The following EIF2B4 variants were observed in gnomAD, a reference collection of about 807,000 sequenced individuals.
EIF2B4 encodes the protein translation initiation factor eIF2B subunit delta.
In EIF2B4, 34 loss-of-function variants were observed where a neutral mutation model predicts 66.7. That is an observed-to-expected ratio of 0.51 (90% confidence interval 0.39 to 0.68). The LOEUF (loss-of-function observed/expected upper bound fraction) is 0.68. Ranked by LOEUF, EIF2B4 falls within the 30% of genes least tolerant of loss-of-function variation. The probability of loss-of-function intolerance (pLI) is 0.00; values close to 1 mark genes in which losing one functional copy is unlikely to be tolerated. For missense variants in EIF2B4, 618 were observed against 657.9 expected, an observed-to-expected ratio of 0.94 and a Z score of 0.66; for synonymous variants, 278 against 253.6, an observed-to-expected ratio of 1.10 and a Z score of -0.92.
chr2:27,366,453 CAG>C (rs920705036), intron 11 of EIF2B4: 14 of 414,676 alleles, frequency 3.4e-5, no homozygotes, highest in South Asian at 1.6e-4. Flanking sequence ...GAGGCCGAGA[CAG>C]GGGGAACTGC....
At chr2:27,367,945 G>T in intron 7 of EIF2B4, 80 bp downstream of exon 7, 1 of 1,486,972 alleles carries the variant, frequency 6.7e-7, no homozygotes, top group Non-Finnish European at 9.3e-7. Context: ...GTCCCCCAGA[G>T]ATGACCTTGG....
intron 9 of EIF2B4, 124 bp from the exon 10 acceptor site, chr2:27,367,325 A>G: frequency 6.3e-7 from 1 of 1,577,236 alleles, no homozygotes. Context: ...GGCACAAGTC[A>G]GAATGGCCAA....
chr2:27,370,021 G>A (rs943636479), intron 1 of EIF2B4, 102 bp from the exon 2 acceptor site: 1 of 1,520,672 alleles, frequency 6.6e-7, no homozygotes, highest in African/African-American at 1.4e-5. Context: ...CATGACCACG[G>A]ATCCGCCGGC....
rs998026561 is a variant in EIF2B4 at position 27,365,092 on chromosome 2, T to C, written c.1192-194A>G. On this transcript the variant is annotated intron_variant, in intron 11 of 12. Coordinates refer to ENST00000347454, the MANE Select transcript of EIF2B4 (RefSeq NM_001034116.2). Reference sequence around the variant, plus strand: ...TTTCTTTGAGATGAAGTTCTGCTCTTGTTGCCCAGGCTGGAGTGCAATGGC... The same window carrying C: ...TTTCTTTGAGATGAAGTTCTGCTCTCGTTGCCCAGGCTGGAGTGCAATGGC... 22 of 595,432 alleles carry C rather than the reference T, an allele frequency of 3.7e-5. No homozygotes were observed. In the African/African-American group the frequency reaches 4.1e-4, roughly 11 times the overall value. 36.9% of individuals were successfully genotyped at this position (595,432 alleles called of 1,614,324 possible).
intron 11 of EIF2B4, 59 bp downstream of exon 11, chr2:27,366,700 T>G (rs1463192931): frequency 6.3e-7 from 1 of 1,590,326 alleles, no homozygotes; most frequent in African/African-American, 1.3e-5. Context: ...GGTGAGATTA[T>G]GTCTATACTA....
Position 27,368,453 on chromosome 2 carries a change from C to A in EIF2B4, c.509G>T (p.Arg170Leu). The A allele has an allele frequency of 6.2e-7, 1 of 1,613,880 alleles. No homozygotes were observed. Among genetic ancestry groups the A allele is most frequent in the Non-Finnish European group, 8.5e-7 (1 of 1,179,832 alleles). Residue 170 changes from arginine (R) to leucine (L), a missense_variant, in exon 6 of 13, where the codon CGA becomes CTA. Coordinates refer to ENST00000347454, the MANE Select transcript of EIF2B4 (RefSeq NM_001034116.2). Reference protein sequence around the residue: ...KKPERQQVPTRKDYGSKVSLF... With the variant: ...KKPERQQVPTLKDYGSKVSLF... Reference sequence around the variant, plus strand: ...ACTGACTTTGGATCCATAATCCTTTCGTGTAGGAACCTTGACAAAACAAGG... The same window carrying A: ...ACTGACTTTGGATCCATAATCCTTTAGTGTAGGAACCTTGACAAAACAAGG...
At chr2:27,369,832 T>G (rs1320476248) in intron 2 of EIF2B4, 44 bp downstream of exon 2, 1 of 1,547,742 alleles carries the variant, frequency 6.5e-7, no homozygotes, top group Non-Finnish European at 8.7e-7. Flanking sequence ...CACAGCCTCC[T>G]GCGTAGCGCT....
chr2:27,370,163 C>A, intron 1 of EIF2B4, 121 bp downstream of exon 1: 2 of 1,544,588 alleles, frequency 1.3e-6, no homozygotes, highest in South Asian at 1.2e-5. Context: ...ACTGTGTAGA[C>A]CGGAGCCCAG....
rs371589780 is a variant in EIF2B4 at position 27,369,175 on chromosome 2, C to A, written c.249G>T (p.Gln83His). Residue 83 changes from glutamine to histidine, a missense_variant, in exon 4 of 13, where the codon CAG becomes CAT. Physicochemically the swap from Gln to His is conservative, Grantham distance 24. Coordinates refer to ENST00000347454, the MANE Select transcript of EIF2B4 (RefSeq NM_001034116.2). Reference protein sequence around the residue: ...PTRELPESGIQLGTPREKVPA... With the variant: ...PTRELPESGIHLGTPREKVPA... Reference sequence around the variant, plus strand: ...GAACTTTCTCCCGAGGAGTGCCCAACTGAATGCCCGATTCTGGCAGTTCTC... The same window carrying A: ...GAACTTTCTCCCGAGGAGTGCCCAAATGAATGCCCGATTCTGGCAGTTCTC... 1.2e-5 allele frequency: 20 copies of A among 1,613,064 alleles called. No individual in the cohort carries two copies. Among genetic ancestry groups the A allele is most frequent in the Admixed American group, 3.3e-5 (2 of 59,980 alleles).
rs1681715570 is a variant in EIF2B4 at position 27,364,742 on chromosome 2, C to T, written c.1348G>A (p.Asp450Asn). Reference sequence around the variant, plus strand: ...CCTAGCTCATTAGAGACAAAGGCATCAGTCTGCACACGCTCACAGAACTTG... The same window carrying T: ...CCTAGCTCATTAGAGACAAAGGCATTAGTCTGCACACGCTCACAGAACTTG... ...TYKFCERVQT[D>N]AFVSNELDDP... The change falls in exon 12 of 13, where the codon GAT becomes AAT. Residue 450 changes from aspartate to asparagine, a missense_variant. Around this residue, in one of 4 missense-constraint regions of EIF2B4, gnomAD observed 36 missense variants for 65.5 expected, o/e 0.55. Coordinates refer to ENST00000347454, the MANE Select transcript of EIF2B4 (RefSeq NM_001034116.2). The T allele has an allele frequency of 6.2e-7, 1 of 1,614,088 alleles. No homozygotes were observed.
chr2:27,368,100 G>A lies in EIF2B4; in HGVS notation c.630C>T (p.Leu210=), dbSNP rs775331791. Residue 210 remains leucine, a synonymous_variant, in exon 7 of 13, where the codon CTC becomes CTT. Transcript: ENST00000347454. ...SSVIHPAMVR[L]GLQYSQGLVS... is the part of the protein sequence containing the mutation. ...CCAGGCCCTGGGAGTACTGCAGGCCGAGTCGCACCATGGCTGGGTGGATCA... is the reference window on the plus strand; with the variant it reads ...CCAGGCCCTGGGAGTACTGCAGGCCAAGTCGCACCATGGCTGGGTGGATCA... 26 of 1,600,110 alleles carry A rather than the reference G, an allele frequency of 1.6e-5. No individual in the cohort carries two copies. The highest frequency in any genetic ancestry group is 6.8e-5 in the South Asian group (6 of 88,616).
Position 27,370,285 on chromosome 2 carries a change from C to T in EIF2B4, c.30G>A (p.Glu10=), listed in dbSNP as rs759657701. The part of the protein sequence containing the change: MAAVAVAVR[E]DSGSGMKAEL... ...AGGCAGGCCCGGCTCTTCACTCACCCTCGCGAACAGCCACGGCCACAGCAG... is the reference window on the plus strand; with the variant it reads ...AGGCAGGCCCGGCTCTTCACTCACCTTCGCGAACAGCCACGGCCACAGCAG... The change falls in exon 1 of 13, where the codon GAG becomes GAA. Residue 10 remains glutamate, a splice_region_variant and synonymous_variant. Transcript: ENST00000347454. 107 of 1,548,546 alleles carry T rather than the reference C, an allele frequency of 6.9e-5. No individual in the cohort carries two copies. Among genetic ancestry groups the T allele is most frequent in the Non-Finnish European group, 2.5e-5 (29 of 1,149,484 alleles).
chr2:27,364,374 C>T lies in EIF2B4; in HGVS notation c.*26G>A. 6.2e-7 allele frequency: 1 copy of T among 1,610,878 alleles called. No homozygotes were observed. Among genetic ancestry groups the T allele is most frequent in the Non-Finnish European group, 8.5e-7 (1 of 1,177,890 alleles). The stretch of plus-strand genomic sequence containing the variant: ...GAGTTGCTGAGGGTAGGGAGTATGG[C>T]ATTTATTAACCCTGTGTTTCCCCCG... On this transcript the variant is annotated 3_prime_UTR_variant, in exon 13 of 13. Transcript: ENST00000347454.
At chr2:27,367,916 G>A (rs1034013146) in intron 7 of EIF2B4, 94 bp from the exon 8 acceptor site, 18 of 1,493,020 alleles carry the variant, frequency 1.2e-5, no homozygotes, top group Non-Finnish European at 1.7e-5. Flanking sequence ...AATGTTCTGA[G>A]GGTAGGAGTA....
intron 2 of EIF2B4, 105 bp downstream of exon 2, chr2:27,369,771 T>C: frequency 1.4e-6 from 2 of 1,474,556 alleles, no homozygotes; most frequent in East Asian, 2.5e-5. Context: ...CTCCTGGCTT[T>C]ACTGAGAAAT....
rs371924054 is a variant in EIF2B4 at position 27,370,305 on chromosome 2, C to T, written c.10G>A (p.Val4Met). The T allele has an allele frequency of 4.5e-6, 7 of 1,545,048 alleles. No homozygotes were observed. The Admixed American group carries it at 1.4e-4, about 30-fold the overall frequency. The change falls in exon 1 of 13, where the codon GTG (valine) becomes ATG (methionine). Residue 4 changes from valine to methionine, a missense_variant. Physicochemically the swap from Val to Met is conservative, Grantham distance 21. Transcript: ENST00000347454. MAA[V>M]AVAVREDSGS... ...TCACCCTCGCGAACAGCCACGGCCA[C>T]AGCAGCCATCGCCCTCAGTCCTAGG...
rs373696834 is a variant in EIF2B4 at position 27,368,352 on chromosome 2, A to G, written c.590+20T>C. Reference sequence around the variant, plus strand: ...AAACTCCTCAGACTCAAAAGTTATGACAATTTCATAGGATCCTACCTCATA... The same window carrying G: ...AAACTCCTCAGACTCAAAAGTTATGGCAATTTCATAGGATCCTACCTCATA... On this transcript the variant is annotated intron_variant, in intron 6 of 12. Coordinates refer to ENST00000347454, the MANE Select transcript of EIF2B4 (RefSeq NM_001034116.2). 2 of 1,599,664 alleles carry G rather than the reference A, an allele frequency of 1.3e-6. No individual in the cohort carries two copies. The highest frequency in any genetic ancestry group is 2.7e-5 in the African/African-American group (2 of 74,596).
intron 3 of EIF2B4, 70 bp from the exon 4 acceptor site, chr2:27,369,282 T>C: frequency 6.2e-7 from 1 of 1,606,772 alleles, no homozygotes; most frequent in South Asian, 1.1e-5. Context: ...TAAAACTAGC[T>C]TCTCTCCTTG....
At position 27,366,807 on chromosome 2, in the gene EIF2B4, G is replaced by T. The variant is rs749762984; in HGVS notation, c.1143C>A (p.Val381=). 1 of 1,614,110 alleles carries T rather than the reference G, an allele frequency of 6.2e-7. No individual in the cohort carries two copies. Among genetic ancestry groups the T allele is most frequent in the African/African-American group, 1.3e-5 (1 of 74,940 alleles). The stretch of plus-strand genomic sequence containing the variant: ...CAGGAATCAGCAGGTAGGAGGCTGG[G>T]ACACCAGCATGGACTAGAGAACGTA... ...HTLRSLVHAG[V]PASYLLIPAA... The change falls in exon 11 of 13, where the codon GTC becomes GTA. Residue 381 remains valine, a synonymous_variant. Transcript: ENST00000347454.
Sources: allele counts gnomAD v4.1 joint callset, GRCh38; gene constraint gnomAD v4.1.1; regional missense constraint gnomAD v4.1.1; transcripts MANE v1.5; gene names NCBI Gene and HGNC (gene_info 2026-07-23, HGNC 2026-07-21).